PTPRM: variants seen among roughly 807,000 people sequenced by gnomAD.
The protein encoded by PTPRM is protein tyrosine phosphatase receptor type M.
A neutral mutation model predicts 186.7 loss-of-function variants in PTPRM; 47 were observed. That is an observed-to-expected ratio of 0.25 (90% CI 0.20 to 0.32). The LOEUF (loss-of-function observed/expected upper bound fraction) is 0.32, where lower values mean the gene tolerates loss of function less well. PTPRM is among the 10% of genes least tolerant of loss of function. The probability of loss-of-function intolerance (pLI) is 1.00; values close to 1 mark genes in which losing one functional copy is unlikely to be tolerated. For missense variants in PTPRM, 1,494 were observed against 1,865.0 expected, an observed-to-expected ratio of 0.80 and a Z score of 3.66; for synonymous variants, 668 against 674.9, an observed-to-expected ratio of 0.99 and a Z score of 0.16.
chr18:8,083,417 A>G (rs564215050), intron 9 of PTPRM, among the ~76,000 whole-genome samples: 34 of 152,018 alleles, frequency 2.2e-4, no homozygotes, highest in Middle Eastern at 3.4e-3. Context: ...GTTCTTCCCC[A>G]AACTCTCAGC....
At chr18:8,115,967 A>G (rs933665857) in intron 13 of PTPRM, among the ~76,000 whole-genome samples, 3 of 152,160 alleles carry the variant, frequency 2.0e-5, no homozygotes, top group Admixed American at 6.5e-5. Flanking sequence ...TTGTAGTTCT[A>G]TATCCAAAAA....
intron 1 of PTPRM, among the ~76,000 whole-genome samples, chr18:7,663,550 G>A (rs1305391354): frequency 1.3e-5 from 2 of 152,250 alleles, no homozygotes; most frequent in African/African-American, 2.4e-5. Context: ...AGCCATTTCC[G>A]TTGCTTACAG....
chr18:8,108,408 A>G (rs932873461), intron 11 of PTPRM, among the ~76,000 whole-genome samples: 7 of 152,122 alleles, frequency 4.6e-5, no homozygotes, highest in Admixed American at 3.3e-4. Context: ...CTATTATCCA[A>G]TTGGTAACCC....
At chr18:7,796,030 G>A (rs762133075) in intron 2 of PTPRM, among the ~76,000 whole-genome samples, 5 of 151,730 alleles carry the variant, frequency 3.3e-5, no homozygotes, top group Non-Finnish European at 5.9e-5. Flanking sequence ...GGTTGGTCTC[G>A]AACTCTTGGG....
intron 2 of PTPRM, among the ~76,000 whole-genome samples, chr18:7,783,744 A>G (rs2145115044): frequency 9.4e-6 from 1 of 106,050 alleles, no homozygotes; most frequent in Non-Finnish European, 1.9e-5. Flanking sequence ...GCTAATTTTT[A>G]ATTTTGTGTG....
intron 11 of PTPRM, among the ~76,000 whole-genome samples, chr18:8,109,193 CTAA>C (rs2091653167): frequency 6.6e-6 from 1 of 152,118 alleles, no homozygotes; most frequent in Admixed American, 6.6e-5. Flanking sequence ...GACCTAGGTG[CTAA>C]TAATGTGTTA....
intron 5 of PTPRM, among the ~76,000 whole-genome samples, chr18:7,934,254 T>C (rs1309567448): frequency 6.6e-6 from 1 of 152,216 alleles, no homozygotes; most frequent in African/African-American, 2.4e-5. Flanking sequence ...GGAGTTTAAT[T>C]TTCTTAAAAA....
At chr18:7,890,529 T>A (rs1165007310) in intron 3 of PTPRM, among the ~76,000 whole-genome samples, 1 of 152,092 alleles carries the variant, frequency 6.6e-6, no homozygotes, top group Non-Finnish European at 1.5e-5. Context: ...TTTTTTTTAA[T>A]GGAAATGAAG....
chr18:8,145,919 CA>C (rs1233727624), intron 14 of PTPRM, among the ~76,000 whole-genome samples: 1 of 152,132 alleles, frequency 6.6e-6, no homozygotes, highest in African/African-American at 2.4e-5. Flanking sequence ...CCGTCTTCCA[CA>C]ATGGTTGAAC....
chr18:7,814,937 CATTT>C (rs2044727429), intron 2 of PTPRM: 1 of 152,174 alleles, frequency 6.6e-6, no homozygotes, highest in African/African-American at 2.4e-5. Flanking sequence ...GAGAAAGTTA[CATTT>C]ATCTTATCTG....
chr18:7,980,030 C>T (rs1222218807), intron 7 of PTPRM, among the ~76,000 whole-genome samples: 3 of 152,162 alleles, frequency 2.0e-5, no homozygotes, highest in Non-Finnish European at 4.4e-5. Flanking sequence ...ATATCTCCAA[C>T]TCCTCTGCTC....
rs75058111 is a variant in PTPRM at position 7,766,007 on chromosome 18, A to T, written c.74-8142A>T. 5.3e-3 allele frequency among the ~76,000 whole-genome samples: 812 copies of T among 152,358 alleles called. 10 individuals are homozygous for T. The highest frequency in any genetic ancestry group is 0.018 in the African/African-American group (764 of 41,588). ...TGTATCTTACAAGTTTATGAAATTA[A>T]CATTTGATTGTCCTCCACTGGCTTC... On this transcript the variant is annotated intron_variant, in intron 1 of 32. Coordinates refer to ENST00000580170, the MANE Select transcript of PTPRM (RefSeq NM_001105244.2).
Position 8,087,665 on chromosome 18 carries a change from CTA to C in PTPRM, c.1754-1082_1754-1081del, listed in dbSNP as rs1454735573. ...AGAGAGGGAACCACTCTTGTTAATT[CTA>C]TGTTATGAATTGGAGTTAATTTTTA... On this transcript the variant is annotated intron_variant, in intron 10 of 32. Coordinates refer to ENST00000580170, the MANE Select transcript of PTPRM (RefSeq NM_001105244.2). Among the ~76,000 whole-genome samples, 34 of 152,144 alleles carry C rather than the reference CTA, an allele frequency of 2.2e-4. No individual in the cohort carries two copies. The East Asian group carries it at 3.5e-3, about 16-fold the overall frequency.
chr18:8,008,968 T>G (rs538005128), intron 7 of PTPRM, among the ~76,000 whole-genome samples: 46 of 152,326 alleles, frequency 3.0e-4, no homozygotes, highest in Non-Finnish European at 6.2e-4. Flanking sequence ...CTGAAGGTCC[T>G]GGCTTGAAGA....
Position 8,109,556 on chromosome 18 carries a change from A to G in PTPRM, c.1857-3930A>G, listed in dbSNP as rs1296024363. ...AACTGGCTAACATGGAGGCCTGTCC[A>G]ATGATTGTTTAATTCTTAAATTTTC... On this transcript the variant is annotated intron_variant, in intron 11 of 32. Transcript: ENST00000580170. Among the ~76,000 whole-genome samples the G allele has an allele frequency of 2.6e-5, 4 of 152,206 alleles. 1 individual carries two copies. The highest frequency in any genetic ancestry group is 4.1e-4 in the South Asian group (2 of 4,826).
At chr18:8,037,479 G>T (rs899036018) in intron 7 of PTPRM, among the ~76,000 whole-genome samples, 2 of 152,106 alleles carry the variant, frequency 1.3e-5, no homozygotes, top group East Asian at 1.9e-4. Context: ...CATCTTAAGT[G>T]TGAGAAGCCT....
At chr18:7,745,839 G>A (rs2040974254) in intron 1 of PTPRM, among the ~76,000 whole-genome samples, 1 of 152,178 alleles carries the variant, frequency 6.6e-6, no homozygotes, top group Non-Finnish European at 1.5e-5. Context: ...TTTGATATCA[G>A]TTACTGGAAA....
At chr18:7,990,820 G>C (rs543234431) in intron 7 of PTPRM, among the ~76,000 whole-genome samples, 17 of 152,294 alleles carry the variant, frequency 1.1e-4, no homozygotes, top group Admixed American at 7.8e-4. Context: ...GTGTATACAT[G>C]ATGGTGGGGC....
At chr18:7,998,654 C>T (rs1284669504) in intron 7 of PTPRM, among the ~76,000 whole-genome samples, 2 of 151,052 alleles carry the variant, frequency 1.3e-5, no homozygotes, top group Admixed American at 1.3e-4. Flanking sequence ...TTTTATACAA[C>T]ATTTTTTTTT....
Sources: gnomAD v4.1 joint callset for allele counts (sites outside exome capture counted in the v4.1 genomes callset) on GRCh38, gnomAD v4.1.1 for gene constraint, MANE v1.5 for transcripts, NCBI Gene and HGNC (gene_info 2026-07-23, HGNC 2026-07-21) for gene names.